RSPO3: variants seen among roughly 807,000 people sequenced by gnomAD.
The protein encoded by RSPO3 is R-spondin-3.
In RSPO3, 17 loss-of-function variants were observed where a neutral mutation model predicts 36.5. The observed-to-expected ratio is 0.47, with a 90% CI of 0.32 to 0.70. The LOEUF is 0.70. Ranked by LOEUF, RSPO3 falls within the 30% of genes least tolerant of loss-of-function variation. RSPO3 has a pLI of 0.04. For missense variants in RSPO3, 294 were observed against 322.5 expected, an observed-to-expected ratio of 0.91 and a Z score of 0.68; for synonymous variants, 108 against 107.0, an observed-to-expected ratio of 1.01 and a Z score of -0.06.
chr6:127,183,008 T>C (rs1335347119), intron 4 of RSPO3, among the ~76,000 whole-genome samples: 1 of 151,992 alleles, frequency 6.6e-6, no homozygotes, highest in Non-Finnish European at 1.5e-5. Context: ...TTTCCTCTCT[T>C]CCTCTATTTC....
chr6:127,173,713 A>C (rs1429953014), intron 4 of RSPO3, among the ~76,000 whole-genome samples: 1 of 151,826 alleles, frequency 6.6e-6, no homozygotes, highest in Non-Finnish European at 1.5e-5. Context: ...TCCAAGAGGG[A>C]ACACAACGTG....
In RSPO3 at chr6:127,158,695, C is replaced by T. The variant is rs9375490; in HGVS notation, c.634+3257C>T. Among the ~76,000 whole-genome samples the T allele has an allele frequency of 2.6e-5, 4 of 152,170 alleles. No homozygotes were observed. The East Asian group carries it at 7.7e-4, about 29-fold the overall frequency. The stretch of plus-strand genomic sequence containing the variant: ...TCTTACACACACACATTTTTCTTTA[C>T]TACCATTTTCTCATGGTTAGAATAA... On this transcript the variant is annotated intron_variant, in intron 4 of 4. Transcript: ENST00000356698.
At chr6:127,168,627 G>C (rs964205910) in intron 4 of RSPO3, among the ~76,000 whole-genome samples, 29 of 151,890 alleles carry the variant, frequency 1.9e-4, no homozygotes, top group South Asian at 1.7e-3. Flanking sequence ...TCAATTTTGG[G>C]GTTTGTTGCC....
intron 2 of RSPO3, among the ~76,000 whole-genome samples, chr6:127,150,143 T>C (rs1035936458): frequency 6.7e-6 from 1 of 149,410 alleles, no homozygotes; most frequent in African/African-American, 2.5e-5. Flanking sequence ...AAACAGATAC[T>C]TCATCTTATA....
At chr6:127,152,691 T>C (rs536979614) in intron 3 of RSPO3, among the ~76,000 whole-genome samples, 32 of 152,206 alleles carry the variant, frequency 2.1e-4, no homozygotes, top group African/African-American at 7.0e-4. Flanking sequence ...TACCCTGATA[T>C]AGAGCTGGGA....
At chr6:127,185,683 G>A (rs1162779646) in intron 4 of RSPO3, among the ~76,000 whole-genome samples, 1 of 152,000 alleles carries the variant, frequency 6.6e-6, no homozygotes, top group Non-Finnish European at 1.5e-5. Context: ...TGCAATTCCA[G>A]ATTAAAGGTA....
chr6:127,129,216 G>A (rs1774001299), intron 1 of RSPO3, among the ~76,000 whole-genome samples: 1 of 152,022 alleles, frequency 6.6e-6, no homozygotes, highest in Non-Finnish European at 1.5e-5. Flanking sequence ...TTTTGCAGTA[G>A]GTCATTTATT....
At chr6:127,154,018 A>G (rs980854910) in intron 3 of RSPO3, among the ~76,000 whole-genome samples, 8 of 152,182 alleles carry the variant, frequency 5.3e-5, no homozygotes, top group African/African-American at 9.6e-5. Context: ...ACAGAAACAT[A>G]AAGTCATGTA....
chr6:127,163,112 C>T (rs889636491), intron 4 of RSPO3, among the ~76,000 whole-genome samples: 4 of 151,964 alleles, frequency 2.6e-5, no homozygotes, highest in African/African-American at 9.7e-5. Flanking sequence ...AGAGAGACTC[C>T]GAGAGCATCA....
At chr6:127,175,051 T>C (rs1775023518) in intron 4 of RSPO3, among the ~76,000 whole-genome samples, 1 of 151,814 alleles carries the variant, frequency 6.6e-6, no homozygotes. Context: ...TCTTAGTGAA[T>C]GGATTTTCAA....
At chr6:127,122,926 A>G (rs911074435) in intron 1 of RSPO3, among the ~76,000 whole-genome samples, 21 of 152,164 alleles carry the variant, frequency 1.4e-4, no homozygotes, top group African/African-American at 5.1e-4. Context: ...GATGCCATCT[A>G]GTAGCTCGGT....
rs1773980283 is a variant in RSPO3, at chr6:127,128,206, T to C, written c.97+8917T>C. ...TGTTATCCAGAAAAAGTTATCTTTA[T>C]GGCACTTCATAAAGTCTGTTATTTA... On this transcript the variant is annotated intron_variant, in intron 1 of 4. Coordinates refer to ENST00000356698, the MANE Select transcript of RSPO3 (RefSeq NM_032784.5). Among the ~76,000 whole-genome samples, 3 of 152,230 alleles carry C rather than the reference T, an allele frequency of 2.0e-5. No homozygotes were observed. The South Asian group carries it at 6.2e-4, about 32-fold the overall frequency.
intron 1 of RSPO3, among the ~76,000 whole-genome samples, chr6:127,136,066 T>A (rs1396472298): frequency 1.3e-5 from 2 of 152,166 alleles, no homozygotes; most frequent in African/African-American, 4.8e-5. Flanking sequence ...AGTAAGTGAC[T>A]TAATTGAAGT....
chr6:127,162,854 A>C (rs776055784), intron 4 of RSPO3, among the ~76,000 whole-genome samples: 6 of 152,310 alleles, frequency 3.9e-5, no homozygotes, highest in Non-Finnish European at 8.8e-5. Flanking sequence ...AATGCTGGCA[A>C]AAATGAAACT....
intron 4 of RSPO3, among the ~76,000 whole-genome samples, chr6:127,195,164 A>G (rs1233306048): frequency 1.3e-5 from 2 of 152,102 alleles, no homozygotes; most frequent in African/African-American, 4.8e-5. Context: ...GAGCCAGATA[A>G]AAATCTCTCC....
At chr6:127,181,831 T>A (rs1261963481) in intron 4 of RSPO3, among the ~76,000 whole-genome samples, 3 of 151,894 alleles carry the variant, frequency 2.0e-5, no homozygotes, top group African/African-American at 7.2e-5. Context: ...ATACAGTCAT[T>A]GATCACGTAT....
chr6:127,184,664 G>A (rs2114256253), intron 4 of RSPO3, among the ~76,000 whole-genome samples: 1 of 151,946 alleles, frequency 6.6e-6, no homozygotes, highest in East Asian at 1.9e-4. Context: ...AAGTAGATAG[G>A]GTACAAGTCT....
chr6:127,120,702 C>A (rs923467765), intron 1 of RSPO3, among the ~76,000 whole-genome samples: 1 of 152,276 alleles, frequency 6.6e-6, no homozygotes, highest in African/African-American at 2.4e-5. Context: ...AGGTTTGATT[C>A]ACCTGAAAAT....
chr6:127,150,166 GATAT>G (rs768162516), intron 2 of RSPO3, among the ~76,000 whole-genome samples: 4 of 139,470 alleles, frequency 2.9e-5, no homozygotes, highest in Non-Finnish European at 3.2e-5. Context: ...TATTCTTGGA[GATAT>G]ATATATATAT....
Sources: gnomAD v4.1 joint callset for allele counts (sites outside exome capture counted in the v4.1 genomes callset) on GRCh38, gnomAD v4.1.1 for gene constraint, MANE v1.5 for transcripts, NCBI Gene and HGNC (gene_info 2026-07-23, HGNC 2026-07-21) for gene names.